REDIC1: variants seen among roughly 807,000 people sequenced by gnomAD.
The protein encoded by REDIC1 is HEI10 Interacting Protein 1.
chr12:39,895,104 A>G, the REDIC1 span, among the ~76,000 whole-genome samples: 27 of 152,144 alleles, frequency 1.8e-4, no homozygotes, highest in Non-Finnish European at 2.9e-4. Context: ...TCTTGGCCCC[A>G]GTGATTGTCC....
chr12:39,660,392 C>T, the REDIC1 span, among the ~76,000 whole-genome samples: 1 of 152,122 alleles, frequency 6.6e-6, no homozygotes, highest in African/African-American at 2.4e-5. Context: ...CAGACAATAA[C>T]CTAGGAACAA....
At chr12:39,727,008 GTTGT>G in the REDIC1 span, among the ~76,000 whole-genome samples, 700 of 152,204 alleles carry the variant, frequency 4.6e-3, 6 homozygotes, top group African/African-American at 0.015. Flanking sequence ...TTTTGATGGG[GTTGT>G]TTGTTTTTCT....
At chr12:39,702,247 G>T in the REDIC1 span, among the ~76,000 whole-genome samples, 2 of 151,964 alleles carry the variant, frequency 1.3e-5, no homozygotes, top group Middle Eastern at 3.4e-3. Flanking sequence ...AATGATAAAG[G>T]GGATATCACC....
At chr12:39,713,761 GTA>G in the REDIC1 span, among the ~76,000 whole-genome samples, 16 of 147,750 alleles carry the variant, frequency 1.1e-4, no homozygotes, top group African/African-American at 1.7e-4. Flanking sequence ...ATGTATACAC[GTA>G]TATATATATT....
the REDIC1 span, among the ~76,000 whole-genome samples, chr12:39,736,470 G>A: frequency 6.6e-6 from 1 of 152,218 alleles, no homozygotes; most frequent in Non-Finnish European, 1.5e-5. Context: ...GCCTAAGTAA[G>A]TGGAGTATAT....
chr12:39,822,397 A>G, the REDIC1 span, among the ~76,000 whole-genome samples: 11 of 152,170 alleles, frequency 7.2e-5, no homozygotes, highest in African/African-American at 2.2e-4. Flanking sequence ...ATGTATCTAT[A>G]AAAAACAAAT....
At chr12:39,838,786 A>T in the REDIC1 span, among the ~76,000 whole-genome samples, 1 of 152,078 alleles carries the variant, frequency 6.6e-6, no homozygotes, top group Non-Finnish European at 1.5e-5. Context: ...TTAATTTAGA[A>T]CATTTTTAGT....
At chr12:39,815,616 G>A in the REDIC1 span, among the ~76,000 whole-genome samples, 1 of 152,144 alleles carries the variant, frequency 6.6e-6, no homozygotes, top group Admixed American at 6.5e-5. Flanking sequence ...AGAGGCGAAC[G>A]GGGATAAAAA....
the REDIC1 span, among the ~76,000 whole-genome samples, chr12:39,711,442 TGTA>T: frequency 1.9e-5 from 1 of 52,740 alleles, no homozygotes; most frequent in Non-Finnish European, 5.6e-5. Context: ...TGTATATGTG[TGTA>T]CATATATACA....
chr12:39,812,352 C>CTTTTCTT, the REDIC1 span, among the ~76,000 whole-genome samples: 6 of 127,856 alleles, frequency 4.7e-5, no homozygotes, highest in South Asian at 2.4e-4. Flanking sequence ...CTTTTCTTTT[C>CTTTTCTT]TTTTCTTTTC....
At chr12:39,859,605 C>T in the REDIC1 span, among the ~76,000 whole-genome samples, 1 of 152,288 alleles carries the variant, frequency 6.6e-6, no homozygotes, top group East Asian at 1.9e-4. Context: ...TCACTGCAAC[C>T]TCTACCTCCT....
the REDIC1 span, among the ~76,000 whole-genome samples, chr12:39,663,605 T>A: frequency 6.6e-6 from 1 of 152,118 alleles, no homozygotes; most frequent in Non-Finnish European, 1.5e-5. Context: ...ATGTGAGGAC[T>A]GATTTCTGTC....
chr12:39,745,677 A>G, the REDIC1 span, among the ~76,000 whole-genome samples: 2 of 152,242 alleles, frequency 1.3e-5, no homozygotes, highest in Admixed American at 6.5e-5. Flanking sequence ...CTTAACAGGA[A>G]TAAGAAACTA....
chr12:39,740,157 C>T, the REDIC1 span, among the ~76,000 whole-genome samples: 149,260 of 152,342 alleles, frequency 0.98, 73,130 homozygotes, highest in East Asian at 1. Context: ...TGTTGACTTA[C>T]ATCCCTACAT....
chr12:39,659,667 T>C, the REDIC1 span, among the ~76,000 whole-genome samples: 2 of 110,276 alleles, frequency 1.8e-5, no homozygotes, highest in Non-Finnish European at 3.7e-5. Flanking sequence ...TCTCCTTGAA[T>C]ACAGGAAATA....
chr12:39,898,815 TG>T, the REDIC1 span, among the ~76,000 whole-genome samples: 1 of 152,270 alleles, frequency 6.6e-6, no homozygotes, highest in South Asian at 2.1e-4. Flanking sequence ...AATGTGCAAA[TG>T]GGGTAACTTC....
chr12:39,630,855 A>G, the REDIC1 span, among the ~76,000 whole-genome samples: 4 of 152,218 alleles, frequency 2.6e-5, no homozygotes, highest in Non-Finnish European at 4.4e-5. Flanking sequence ...AAATGTGGGT[A>G]ATACTTAAAC....
At chr12:39,627,558 G>T in the REDIC1 span, among the ~76,000 whole-genome samples, 65 of 152,254 alleles carry the variant, frequency 4.3e-4, no homozygotes, top group Admixed American at 1.7e-3. Flanking sequence ...ACAATATACT[G>T]CAGGAAACAT....
At chr12:39,839,652 A>T in the REDIC1 span, among the ~76,000 whole-genome samples, 3 of 151,850 alleles carry the variant, frequency 2.0e-5, no homozygotes, top group African/African-American at 7.3e-5. Context: ...AGATAGTGGC[A>T]TCTTCATCTT....
Sources: allele counts gnomAD v4.1 joint callset (sites outside exome capture counted in the v4.1 genomes callset), GRCh38; gene constraint gnomAD v4.1.1; transcripts MANE v1.5; gene names NCBI Gene and HGNC (gene_info 2026-07-23, HGNC 2026-07-21).